NMNAT2: variants seen among roughly 807,000 people sequenced by gnomAD.
NMNAT2 encodes the protein nicotinamide/nicotinic acid mononucleotide adenylyltransferase 2.
A neutral mutation model predicts 41.6 loss-of-function variants in NMNAT2; 11 were observed. That is an observed-to-expected ratio of 0.26 (90% CI 0.17 to 0.44). The LOEUF (loss-of-function observed/expected upper bound fraction) is 0.44, where lower values mean the gene tolerates loss of function less well. Ranked by LOEUF, NMNAT2 falls within the 20% of genes least tolerant of loss-of-function variation. The pLI is 1.00. For synonymous variants in NMNAT2, 148 were observed against 151.2 expected (o/e 0.98, Z 0.16); for missense variants, 288 against 407.7 (o/e 0.71, Z 2.53).
intron 4 of NMNAT2, among the ~76,000 whole-genome samples, chr1:183,288,520 C>T (rs1661451936): frequency 6.6e-6 from 1 of 152,188 alleles, no homozygotes; most frequent in Non-Finnish European, 1.5e-5. Flanking sequence ...AGACTTATAC[C>T]CTGGGCATAA....
rs536004283 is a variant in NMNAT2, at chr1:183,362,134, T to C, written c.85+56049A>G. On this transcript the variant is annotated intron_variant, in intron 1 of 10. Transcript: ENST00000287713. ...TTGTATTTTTTGTCAAGACGGGATT[T>C]CTTCATTTTGGCCAGGCTGGTCTCT... is the stretch of plus-strand genomic sequence containing the variant. Among the ~76,000 whole-genome samples, 5 of 152,206 alleles carry C rather than the reference T, an allele frequency of 3.3e-5. No homozygotes were observed. The East Asian group carries it at 9.7e-4, about 29-fold the overall frequency.
At chr1:183,357,293 G>A (rs1161495344) in intron 1 of NMNAT2, among the ~76,000 whole-genome samples, 2 of 136,466 alleles carry the variant, frequency 1.5e-5, no homozygotes, top group Non-Finnish European at 3.0e-5. Context: ...TCAGTGGCAC[G>A]ATCTTGGCTC....
intron 1 of NMNAT2, among the ~76,000 whole-genome samples, chr1:183,299,406 A>T (rs1661789433): frequency 6.6e-6 from 1 of 152,170 alleles, no homozygotes; most frequent in South Asian, 2.1e-4. Flanking sequence ...AAAAAGGAAC[A>T]AATTATTGAT....
intron 1 of NMNAT2, among the ~76,000 whole-genome samples, chr1:183,361,143 T>C (rs899476198): frequency 1.3e-5 from 2 of 152,220 alleles, no homozygotes; most frequent in Non-Finnish European, 2.9e-5. Context: ...CATTCTTGCA[T>C]ACATACACTT....
chr1:183,286,531 TA>T, intron 5 of NMNAT2, 130 bp downstream of exon 5: 3 of 704,494 alleles, frequency 4.3e-6, no homozygotes, highest in Non-Finnish European at 4.6e-6. Flanking sequence ...AGCACCTTAT[TA>T]AAAATACAAG....
At chr1:183,299,369 C>G (rs1468427442) in intron 1 of NMNAT2, among the ~76,000 whole-genome samples, 3 of 150,784 alleles carry the variant, frequency 2.0e-5, no homozygotes, top group Non-Finnish European at 4.4e-5. Context: ...CAGCGAGACT[C>G]TGTCTCAAAA....
intron 1 of NMNAT2, among the ~76,000 whole-genome samples, chr1:183,325,329 A>G (rs1326900365): frequency 6.6e-6 from 1 of 152,254 alleles, no homozygotes; most frequent in Non-Finnish European, 1.5e-5. Flanking sequence ...TAGAAAAGGA[A>G]TTTTATTCCC....
At chr1:183,290,275 A>G (rs985113738) in intron 3 of NMNAT2, 69 bp from the exon 4 acceptor site, 3 of 1,285,378 alleles carry the variant, frequency 2.3e-6, no homozygotes, top group South Asian at 2.6e-5. Context: ...TTACCTTCCA[A>G]AAATCATAGC....
chr1:183,304,228 C>T (rs754960970), intron 1 of NMNAT2, among the ~76,000 whole-genome samples: 4 of 152,010 alleles, frequency 2.6e-5, no homozygotes, highest in South Asian at 2.1e-4. Flanking sequence ...GCGTGCAGCA[C>T]GTACAAAGGC....
intron 1 of NMNAT2, among the ~76,000 whole-genome samples, chr1:183,362,602 A>G (rs967899353): frequency 6.6e-6 from 1 of 152,232 alleles, no homozygotes; most frequent in African/African-American, 2.4e-5. Flanking sequence ...ATGTATCAAC[A>G]CTATCCTCAT....
At chr1:183,337,359 A>G (rs1191390051) in intron 1 of NMNAT2, among the ~76,000 whole-genome samples, 1 of 152,138 alleles carries the variant, frequency 6.6e-6, no homozygotes, top group African/African-American at 2.4e-5. Context: ...ACTATGTTTT[A>G]CTTTGATGAA....
At chr1:183,374,815 G>T (rs751318401) in intron 1 of NMNAT2, among the ~76,000 whole-genome samples, 4 of 152,208 alleles carry the variant, frequency 2.6e-5, no homozygotes, top group Middle Eastern at 3.4e-3. Context: ...CAGTCTTCAG[G>T]GCTGACAGCC....
intron 1 of NMNAT2, among the ~76,000 whole-genome samples, chr1:183,338,883 T>A (rs1662734518): frequency 6.6e-6 from 1 of 152,020 alleles, no homozygotes; most frequent in African/African-American, 2.4e-5. Context: ...GCCAGGCAAC[T>A]TTTGGAGACT....
intron 1 of NMNAT2, among the ~76,000 whole-genome samples, chr1:183,329,610 C>T (rs60539223): frequency 0.014 from 2,081 of 152,306 alleles, 39 homozygotes; most frequent in African/African-American, 0.047. Flanking sequence ...TGGAGGGCTG[C>T]AGCCAGAGCC....
At chr1:183,320,120 G>A (rs1662328712) in intron 1 of NMNAT2, among the ~76,000 whole-genome samples, 1 of 152,230 alleles carries the variant, frequency 6.6e-6, no homozygotes, top group Admixed American at 6.5e-5. Flanking sequence ...AGATCCTGAG[G>A]ATGAGATGAG....
At chr1:183,278,369 G>A (rs1404284799) in intron 8 of NMNAT2, among the ~76,000 whole-genome samples, 184 bp downstream of exon 8, 3 of 152,170 alleles carry the variant, frequency 2.0e-5, no homozygotes, top group Non-Finnish European at 2.9e-5. Flanking sequence ...TTGAGGAGGA[G>A]TAAGTGTAAA....
intron 1 of NMNAT2, among the ~76,000 whole-genome samples, chr1:183,360,976 C>T (rs1663295439): frequency 6.6e-6 from 1 of 152,184 alleles, no homozygotes; most frequent in Non-Finnish European, 1.5e-5. Flanking sequence ...ACCCCTCTCT[C>T]CAGAGTTAAC....
chr1:183,339,652 A>G (rs2485930), intron 1 of NMNAT2, among the ~76,000 whole-genome samples: 108,113 of 152,046 alleles, frequency 0.71, 38,589 homozygotes, highest in East Asian at 0.9. Context: ...GTCAATATTA[A>G]TTGAACACTT....
At chr1:183,409,665 A>T (rs1271809628) in intron 1 of NMNAT2, among the ~76,000 whole-genome samples, 1 of 152,220 alleles carries the variant, frequency 6.6e-6, no homozygotes, top group East Asian at 1.9e-4. Flanking sequence ...CAAGACCTCC[A>T]GGATTAGTGC....
Sources: allele counts gnomAD v4.1 joint callset (sites outside exome capture counted in the v4.1 genomes callset), GRCh38; gene constraint gnomAD v4.1.1; transcripts MANE v1.5; gene names NCBI Gene and HGNC (gene_info 2026-07-23, HGNC 2026-07-21).